Variants in SAMD14 observed in about 807,000 individuals in gnomAD.
SAMD14 encodes the protein sterile alpha motif domain-containing protein 14.
A neutral mutation model predicts 46.2 loss-of-function variants in SAMD14; 27 were observed. That is an observed-to-expected ratio of 0.58 (90% CI 0.43 to 0.81). SAMD14 has a LOEUF of 0.81. Ranked by LOEUF, SAMD14 falls within the 30% of genes least tolerant of loss-of-function variation. The probability of loss-of-function intolerance (pLI) is 0.00; values close to 1 mark genes in which losing one functional copy is unlikely to be tolerated. For missense variants in SAMD14, 559 were observed against 582.2 expected, an observed-to-expected ratio of 0.96 and a Z score of 0.41; for synonymous variants, 241 against 254.3, an observed-to-expected ratio of 0.95 and a Z score of 0.50.
chr17:50,114,464 AT>A (rs746982841), intron 7 of SAMD14, 158 bp from the exon 8 acceptor site: 2 of 1,601,666 alleles, frequency 1.2e-6, no homozygotes, highest in South Asian at 2.2e-5. Context: ...ATGATAACTC[AT>A]GTCAGGCATC....
chr17:50,117,884 G>C (rs1911312906), intron 3 of SAMD14, 189 bp from the exon 4 acceptor site: 1 of 677,442 alleles, frequency 1.5e-6, no homozygotes, highest in African/African-American at 1.9e-5. Context: ...GAGTCACACA[G>C]GCTGGGGCTG....
chr17:50,124,769 G>GCGCA (rs1555563127), intron 2 of SAMD14, 148 bp downstream of exon 2: 11 of 477,188 alleles, frequency 2.3e-5, no homozygotes, highest in South Asian at 1.2e-4. Context: ...GCACGCGCGC[G>GCGCA]CGCACACACA....
At position 50,115,714 on chromosome 17, in the gene SAMD14, C is replaced by T. The variant is rs1911152557; in HGVS notation, c.672G>A (p.Val224=). 1 of 1,605,968 alleles carries T rather than the reference C, an allele frequency of 6.2e-7. No homozygotes were observed. The highest frequency in any genetic ancestry group is 1.3e-5 in the African/African-American group (1 of 74,842). The change falls in exon 7 of 10, where the codon GTG becomes GTA. Residue 224 remains valine (V), a synonymous_variant. Transcript: ENST00000330175. The surrounding 1 kb of genome is among the most constrained non-coding windows in gnomAD (Gnocchi z 5.3). ...AGCCCCCTGACCTGCCGGACCCCTC[C>T]ACTGACTCCCTGCAGAGAGAGTGTC... is the stretch of plus-strand genomic sequence containing the variant. ...NRLSMGSRES[V]EGSGRSGGSP... is the part of the protein sequence containing the mutation.
intron 2 of SAMD14, among the ~76,000 whole-genome samples, 159 bp downstream of exon 2, chr17:50,124,758 T>C (rs925641038): frequency 2.4e-5 from 2 of 84,994 alleles, no homozygotes; most frequent in African/African-American, 4.6e-5. Flanking sequence ...CCTGCACGCG[T>C]GCACGCGCGC....
Position 50,112,773 on chromosome 17 carries a change from CT to C in SAMD14, c.*119del, listed in dbSNP as rs1910922094. On this transcript the variant is annotated 3_prime_UTR_variant, in exon 10 of 10. Coordinates refer to ENST00000330175, the MANE Select transcript of SAMD14 (RefSeq NM_001257359.2). Reference sequence around the variant, plus strand: ...CAGGGTAAGAGAGAGCATGTCCCCCCTGAGAGCGTGGGACCAGGCTAGCCCA... The same window carrying C: ...CAGGGTAAGAGAGAGCATGTCCCCCCGAGAGCGTGGGACCAGGCTAGCCCA... The C allele has an allele frequency of 1.2e-5, 14 of 1,199,970 alleles. No homozygotes were observed. Among genetic ancestry groups the C allele is most frequent in the Admixed American group, 4.8e-5 (2 of 41,754 alleles). The allele number at this position is 1,199,970 out of a possible 1,614,324, so 74.3% of individuals were successfully genotyped here.
chr17:50,116,846 T>C (rs1911232780), intron 4 of SAMD14, among the ~76,000 whole-genome samples: 1 of 152,174 alleles, frequency 6.6e-6, no homozygotes, highest in South Asian at 2.1e-4. Context: ...CTTGTTATAG[T>C]TTATAACTAG....
chr17:50,119,997 G>T (rs1417117288), intron 2 of SAMD14, among the ~76,000 whole-genome samples: 1 of 152,150 alleles, frequency 6.6e-6, no homozygotes, highest in Non-Finnish European at 1.5e-5. Context: ...ATTCCTGTTA[G>T]CTCTACTTTC....
Position 50,117,613 on chromosome 17 carries a change from A to G in SAMD14, c.293T>C (p.Phe98Ser), listed in dbSNP as rs1911284726. ...SGPGSPAGGS[F>S]CLDPPGLRRS... is the part of the protein sequence containing the mutation. The stretch of plus-strand genomic sequence containing the variant: ...CCGCAACCCCGGAGGATCCAGGCAG[A>G]AAGAGCCCCCGGCCGGGGACCCCGG... Residue 98 changes from phenylalanine to serine, a missense_variant, in exon 4 of 10, where the codon TTC becomes TCC. By Grantham distance (155) the Phe-to-Ser change is radical. Transcript: ENST00000330175. The G allele has an allele frequency of 2.6e-6, 4 of 1,557,080 alleles. No individual in the cohort carries two copies. Among genetic ancestry groups the G allele is most frequent in the Non-Finnish European group, 3.4e-6 (4 of 1,161,406 alleles).
At chr17:50,114,117 C>A in intron 8 of SAMD14, 38 bp from the exon 9 acceptor site, 1 of 1,613,730 alleles carries the variant, frequency 6.2e-7, no homozygotes, top group East Asian at 2.2e-5. Flanking sequence ...GGAGGCTTGG[C>A]CTGTGACCTG....
At chr17:50,122,955 C>G (rs1023038963) in intron 2 of SAMD14, among the ~76,000 whole-genome samples, 31 of 151,986 alleles carry the variant, frequency 2.0e-4, no homozygotes, top group African/African-American at 7.2e-4. Flanking sequence ...TGGGGCTGAG[C>G]TGGGGGAGGG....
chr17:50,126,555 T>A (rs938229909), intron 1 of SAMD14, among the ~76,000 whole-genome samples: 1 of 152,062 alleles, frequency 6.6e-6, no homozygotes, highest in African/African-American at 2.4e-5. Flanking sequence ...TCCACCCGCC[T>A]CGGCCTCCCA....
rs1170299673 is a variant in SAMD14, at chr17:50,129,111, C to T, written c.-13+406G>A. Among the ~76,000 whole-genome samples, 1 of 152,092 alleles carries T rather than the reference C, an allele frequency of 6.6e-6. No individual in the cohort carries two copies. The highest frequency in any genetic ancestry group is 1.5e-5 in the Non-Finnish European group (1 of 68,012). ...TGGGGTAGTCCTCAGGAGTCGGGCA[C>T]CCCCTCAAAGCACTGTTGGAGATGG... On this transcript the variant is annotated intron_variant, in intron 1 of 9. Coordinates refer to ENST00000330175, the MANE Select transcript of SAMD14 (RefSeq NM_001257359.2). This position sits in a 1 kb window ranked among gnomAD's most constrained non-coding sequence, Gnocchi z 5.6.
At chr17:50,126,952 T>G (rs1911805751) in intron 1 of SAMD14, among the ~76,000 whole-genome samples, 1 of 150,828 alleles carries the variant, frequency 6.6e-6, no homozygotes, top group Admixed American at 6.6e-5. Context: ...ACACAAAAAT[T>G]AGTTGGGTGT....
chr17:50,112,864 G>A lies in SAMD14; in HGVS notation c.*29C>T. On this transcript the variant is annotated 3_prime_UTR_variant, in exon 10 of 10. Transcript: ENST00000330175. ...GCCCGCGGAGCCAGTGGCTGCCCCT[G>A]CCGGGTGCCAGCGCCTGTGCACCCT... is the stretch of plus-strand genomic sequence containing the variant. 1.3e-6 allele frequency: 2 copies of A among 1,586,916 alleles called. No homozygotes were observed. Among genetic ancestry groups the A allele is most frequent in the Non-Finnish European group, 8.5e-7 (1 of 1,172,534 alleles).
At position 50,117,655 on chromosome 17, in the gene SAMD14, G is replaced by C. The variant is rs759147468; in HGVS notation, c.251C>G (p.Ser84Trp). The change falls in exon 4 of 10, where the codon TCG (serine) becomes TGG (tryptophan). Residue 84 changes from serine (S) to tryptophan (W), a missense_variant. Transcript: ENST00000330175. ...GCGSPLHRLR[S>W]PLHSGPGSPA... is the part of the protein sequence containing the mutation. ...GGACCCCGGGCCTGAGTGCAAAGGCGAGCGCAGCCGGTGCAGGGGGCTCCC... is the reference window on the plus strand; with the variant it reads ...GGACCCCGGGCCTGAGTGCAAAGGCCAGCGCAGCCGGTGCAGGGGGCTCCC... 2.6e-6 allele frequency: 4 copies of C among 1,547,162 alleles called. No homozygotes were observed. The highest frequency in any genetic ancestry group is 1.7e-6 in the Non-Finnish European group (2 of 1,157,720).
intron 2 of SAMD14, among the ~76,000 whole-genome samples, chr17:50,122,311 G>A (rs2144410061): frequency 6.6e-6 from 1 of 152,312 alleles, no homozygotes; most frequent in East Asian, 1.9e-4. Context: ...GCCTGGTGTG[G>A]CACCTGACAA....
chr17:50,124,240 G>C, intron 2 of SAMD14: 1 of 453,870 alleles, frequency 2.2e-6, no homozygotes, highest in Non-Finnish European at 4.4e-6. Flanking sequence ...GAAGATTGCA[G>C]GGGGTAAATG....
At position 50,117,213 on chromosome 17, in the gene SAMD14, G is replaced by A. The variant is rs77886944; in HGVS notation, c.499+194C>T. On this transcript the variant is annotated intron_variant, in intron 4 of 9. Transcript: ENST00000330175. ...AGACTGCATGTGTTTGCTCACCTGG[G>A]TGTCCCAGAGCCCACAGGATCTGGC... Among the ~76,000 whole-genome samples the A allele has an allele frequency of 4.8e-3, 724 of 152,328 alleles. 4 individuals carry two copies. Among genetic ancestry groups the A allele is most frequent in the African/African-American group, 0.016 (684 of 41,576 alleles).
intron 9 of SAMD14, 104 bp downstream of exon 9, chr17:50,113,820 C>G: frequency 7.0e-7 from 1 of 1,420,226 alleles, no homozygotes; most frequent in South Asian, 1.3e-5. Context: ...AAGGTCAGCC[C>G]AGGAGGCTGG....
Sources: allele counts gnomAD v4.1 joint callset (sites outside exome capture counted in the v4.1 genomes callset), GRCh38; gene constraint gnomAD v4.1.1; non-coding constraint Gnocchi (gnomAD v3.1); transcripts MANE v1.5; gene names NCBI Gene and HGNC (gene_info 2026-07-23, HGNC 2026-07-21).